CELF4: variants seen among roughly 807,000 people sequenced by gnomAD.
CELF4 encodes the protein CUGBP Elav-like family member 4, also known as CUG-BP- and ETR-3-like factor 4.
CELF4 carries 18 observed loss-of-function variants against 59.9 expected under a neutral mutation model. That is an observed-to-expected ratio of 0.30 (90% CI 0.21 to 0.45). The LOEUF (loss-of-function observed/expected upper bound fraction) is 0.45. Ranked by LOEUF, CELF4 falls within the 20% of genes least tolerant of loss-of-function variation. CELF4 has a pLI of 1.00. For missense variants in CELF4, 456 were observed against 689.0 expected (o/e 0.66, Z 3.79); for synonymous variants, 261 against 267.1 (o/e 0.98, Z 0.22).
At chr18:37,492,068 C>T (rs990425500) in intron 1 of CELF4, among the ~76,000 whole-genome samples, 1 of 152,182 alleles carries the variant, frequency 6.6e-6, no homozygotes, top group African/African-American at 2.4e-5. Flanking sequence ...TGCCTTGCTA[C>T]TAATTGAATT....
At chr18:37,252,425 C>T (rs2066056843) in intron 12 of CELF4, among the ~76,000 whole-genome samples, 1 of 151,702 alleles carries the variant, frequency 6.6e-6, no homozygotes, top group Admixed American at 6.6e-5. Context: ...TGCAAGTTAC[C>T]CATCACTCTC....
At chr18:37,321,396 T>C (rs1365556046) in intron 3 of CELF4, among the ~76,000 whole-genome samples, 1 of 152,186 alleles carries the variant, frequency 6.6e-6, no homozygotes, top group East Asian at 1.9e-4. Flanking sequence ...CACTCAGATT[T>C]GCCTCCTTGG....
chr18:37,448,866 G>A (rs1287876527), intron 2 of CELF4, among the ~76,000 whole-genome samples: 1 of 152,206 alleles, frequency 6.6e-6, no homozygotes, highest in East Asian at 1.9e-4. Context: ...CCCAGCAGAT[G>A]CTATCCTGCC....
chr18:37,257,611 A>C (rs2070766628), intron 11 of CELF4, among the ~76,000 whole-genome samples: 1 of 152,190 alleles, frequency 6.6e-6, no homozygotes, highest in African/African-American at 2.4e-5. Context: ...GTTGGACTCC[A>C]GACTGGAAAC....
At chr18:37,289,520 C>T (rs1228064779) in intron 3 of CELF4, among the ~76,000 whole-genome samples, 2 of 152,108 alleles carry the variant, frequency 1.3e-5, no homozygotes, top group Non-Finnish European at 2.9e-5. Flanking sequence ...AAGGCCCCCG[C>T]TTGCTAGCTA....
intron 2 of CELF4, among the ~76,000 whole-genome samples, chr18:37,387,557 T>C (rs2099112744): frequency 6.6e-6 from 1 of 152,006 alleles, no homozygotes; most frequent in Non-Finnish European, 1.5e-5. Flanking sequence ...CTGAATTCAG[T>C]TGCTTCTTCC....
Position 37,262,716 on chromosome 18 carries a change from C to T in CELF4, c.1249+1958G>A, listed in dbSNP as rs866642444. ...TGTAGGCACAGCTCTCTGTTCTGGACCTGGAGCGGGCAACATGGGGACTCC... is the reference window on the plus strand; with the variant it reads ...TGTAGGCACAGCTCTCTGTTCTGGATCTGGAGCGGGCAACATGGGGACTCC... On this transcript the variant is annotated intron_variant, in intron 10 of 12. Coordinates refer to ENST00000420428, the MANE Select transcript of CELF4 (RefSeq NM_020180.4). Among the ~76,000 whole-genome samples, 3 of 152,138 alleles carry T rather than the reference C, an allele frequency of 2.0e-5. No individual in the cohort carries two copies. The South Asian group carries it at 6.2e-4, about 32-fold the overall frequency.
intron 2 of CELF4, among the ~76,000 whole-genome samples, chr18:37,396,392 T>C (rs2099245502): frequency 6.6e-6 from 1 of 152,214 alleles, no homozygotes; most frequent in African/African-American, 2.4e-5. Flanking sequence ...CCTTTTTCCA[T>C]CTGTAAATTT....
At chr18:37,427,769 C>T (rs1297952367) in intron 2 of CELF4, among the ~76,000 whole-genome samples, 1 of 152,242 alleles carries the variant, frequency 6.6e-6, no homozygotes, top group Non-Finnish European at 1.5e-5. Context: ...TGCTGCTGTT[C>T]TCTGCACTGA....
chr18:37,358,057 T>G (rs2154558309), intron 2 of CELF4, among the ~76,000 whole-genome samples: 1 of 152,112 alleles, frequency 6.6e-6, no homozygotes, highest in South Asian at 2.1e-4. Flanking sequence ...CTGAAATGAG[T>G]TAAGACTTTG....
chr18:37,395,840 A>G (rs754422668), intron 2 of CELF4, among the ~76,000 whole-genome samples: 3 of 152,146 alleles, frequency 2.0e-5, no homozygotes, highest in Non-Finnish European at 2.9e-5. Context: ...TGGGGCACTC[A>G]GCTCCCCATG....
At chr18:37,260,554 C>T (rs534245129) in intron 10 of CELF4, among the ~76,000 whole-genome samples, 1 of 152,328 alleles carries the variant, frequency 6.6e-6, no homozygotes, top group Admixed American at 6.5e-5. Flanking sequence ...TGTAAGGCAC[C>T]AACATGGGCC....
chr18:37,342,732 G>A (rs1218046399), intron 2 of CELF4, among the ~76,000 whole-genome samples: 2 of 152,206 alleles, frequency 1.3e-5, no homozygotes, highest in Admixed American at 6.5e-5. Context: ...GAAAGAATGG[G>A]GGAAATAATA....
rs2060864532 is a variant in CELF4, at chr18:37,243,191, T to TTC, written c.*2050_*2051insGA. ...TCTTTTTTTTTTCTTTTTTTCTTTT[T>TTC]TTTTTTTTTTTTTTTACATCTGGAC... On this transcript the variant is annotated 3_prime_UTR_variant, in exon 13 of 13. Coordinates refer to ENST00000420428, the MANE Select transcript of CELF4 (RefSeq NM_020180.4). The TTC allele has an allele frequency of 6.8e-6, 1 of 146,960 alleles. No individual in the cohort carries two copies. The highest frequency in any genetic ancestry group is 6.7e-5 in the Admixed American group (1 of 14,836). 9.1% of individuals were successfully genotyped at this position (146,960 alleles called of 1,614,324 possible).
intron 1 of CELF4, among the ~76,000 whole-genome samples, chr18:37,524,266 C>T (rs1202027783): frequency 1.3e-5 from 2 of 152,122 alleles, no homozygotes; most frequent in African/African-American, 4.8e-5. Context: ...TGTAAAGAGG[C>T]CTGTGATGTT....
intron 2 of CELF4, among the ~76,000 whole-genome samples, chr18:37,377,019 G>A (rs972705295): frequency 2.6e-5 from 4 of 152,058 alleles, no homozygotes; most frequent in East Asian, 3.9e-4. Context: ...GTAAGGGGAG[G>A]TGGAGGAGGG....
chr18:37,348,446 A>G (rs557533152), intron 2 of CELF4, among the ~76,000 whole-genome samples: 1 of 152,094 alleles, frequency 6.6e-6, no homozygotes, highest in African/African-American at 2.4e-5. Flanking sequence ...CCCACATCAC[A>G]TCAGGCGCTT....
chr18:37,402,249 C>T (rs1458406758), intron 2 of CELF4, among the ~76,000 whole-genome samples: 1 of 152,224 alleles, frequency 6.6e-6, no homozygotes, highest in African/African-American at 2.4e-5. Flanking sequence ...GTCTGAACCA[C>T]TTTAATTTGC....
At chr18:37,285,729 G>A (rs2094678634) in intron 3 of CELF4, among the ~76,000 whole-genome samples, 1 of 152,308 alleles carries the variant, frequency 6.6e-6, no homozygotes, top group East Asian at 1.9e-4. Context: ...TTTGAGTCAG[G>A]CCTTTCTGCA....
Sources: gnomAD v4.1 joint callset for allele counts (sites outside exome capture counted in the v4.1 genomes callset) on GRCh38, gnomAD v4.1.1 for gene constraint, MANE v1.5 for transcripts, NCBI Gene and HGNC (gene_info 2026-07-23, HGNC 2026-07-21) for gene names.